Variants in HSPG2 observed in about 807,000 individuals in gnomAD.
HSPG2 encodes basement membrane-specific heparan sulfate proteoglycan core protein.
Under a neutral mutation model 526.6 loss-of-function variants are expected in HSPG2, and 278 were observed. That is an observed-to-expected ratio of 0.53 (90% CI 0.48 to 0.58). The LOEUF is 0.58. HSPG2 is among the 20% of genes least tolerant of loss of function. HSPG2 has a pLI of 0.00. For missense variants in HSPG2, 5,354 were observed against 6,099.5 expected (o/e 0.88, Z 4.07); for synonymous variants, 2,465 against 2,555.4 (o/e 0.96, Z 1.07).
chr1:21,937,062 G>A (rs1257717312), intron 1 of HSPG2, 93 bp downstream of exon 1: 6 of 406,696 alleles, frequency 1.5e-5, no homozygotes, highest in African/African-American at 2.1e-5. Flanking sequence ...AGCCTTGGGC[G>A]CCCCAGCCAA....
In HSPG2 at chr1:21,858,857, C is replaced by T. The variant is rs1473150715; in HGVS notation, c.5293+709G>A. Among the ~76,000 whole-genome samples the T allele has an allele frequency of 3.3e-5, 5 of 152,176 alleles. No homozygotes were observed. The highest frequency in any genetic ancestry group is 3.3e-4 in the Admixed American group (5 of 15,280). On this transcript the variant is annotated intron_variant, in intron 42 of 96. Transcript: ENST00000374695. This position sits in a 1 kb window ranked among gnomAD's most constrained non-coding sequence, Gnocchi z 4.2. ...AAGCTGGCCTAGACATACTGCAGCT[C>T]CTTGGACCCCAGGGCAGGGTGACTT...
intron 3 of HSPG2, among the ~76,000 whole-genome samples, chr1:21,892,344 C>T (rs903039950): frequency 2.6e-5 from 4 of 152,248 alleles, no homozygotes; most frequent in South Asian, 4.1e-4. Context: ...CACGGCCCAG[C>T]GCGGGCGAGG....
intron 1 of HSPG2, among the ~76,000 whole-genome samples, chr1:21,932,106 G>C (rs12129809): frequency 0.46 from 69,879 of 151,974 alleles, 18,783 homozygotes; most frequent in Middle Eastern, 0.65. Context: ...GGCGTCCCTA[G>C]GAGACCCCAC....
intron 54 of HSPG2, 27 bp downstream of exon 54, chr1:21,851,764 C>T: frequency 6.2e-7 from 1 of 1,614,030 alleles, no homozygotes. Flanking sequence ...TCTCTGCATC[C>T]CAGCCCAGCC....
At chr1:21,844,349 T>A (rs1369205223) in intron 64 of HSPG2, 50 bp from the exon 65 acceptor site, 3 of 1,573,206 alleles carry the variant, frequency 1.9e-6, no homozygotes, top group Non-Finnish European at 2.6e-6. Flanking sequence ...CCTGATGCCC[T>A]CAGCCCTTCC....
chr1:21,894,971 G>A (rs1391104211), intron 3 of HSPG2, among the ~76,000 whole-genome samples: 1 of 152,204 alleles, frequency 6.6e-6, no homozygotes, highest in Non-Finnish European at 1.5e-5. Context: ...GTTACCCAGT[G>A]ACCTACCCTC....
Position 21,847,429 on chromosome 1 carries a change from G to A in HSPG2, c.8089C>T (p.Arg2697Trp), listed in dbSNP as rs779348253. 8.7e-6 allele frequency: 14 copies of A among 1,613,812 alleles called. No homozygotes were observed. The highest frequency in any genetic ancestry group is 3.3e-4 in the Middle Eastern group (2 of 6,084). ...AGGGCATCGATGTTGTTGTTGGCCC[G>A]GCACACATACTCGCCCGAGTCAGCC... The part of the protein sequence containing the change: ...SVADSGEYVC[R>W]ANNNIDALEA... The change falls in exon 62 of 97, where the codon CGG becomes TGG. Residue 2697 changes from arginine to tryptophan, a missense_variant. Transcript: ENST00000374695. The surrounding 1 kb of genome is among the most constrained non-coding windows in gnomAD (Gnocchi z 4.1).
At chr1:21,837,811 G>A (rs1395738946) in intron 74 of HSPG2, among the ~76,000 whole-genome samples, 1 of 152,076 alleles carries the variant, frequency 6.6e-6, no homozygotes, top group African/African-American at 2.4e-5. Flanking sequence ...CTACATGGTT[G>A]GCATTGTTCT....
chr1:21,852,573 G>C (rs1393084272), intron 52 of HSPG2, 127 bp downstream of exon 52: 3 of 1,339,268 alleles, frequency 2.2e-6, no homozygotes, highest in African/African-American at 1.4e-5. Flanking sequence ...AGTCGGCCTG[G>C]GCAGGGCCCT....
rs2097986989 is a variant in HSPG2 at position 21,828,526 on chromosome 1, C to T, written c.12238-100G>A. On this transcript the variant is annotated intron_variant, in intron 88 of 96. Transcript: ENST00000374695. This position sits in a 1 kb window ranked among gnomAD's most constrained non-coding sequence, Gnocchi z 6.0. ...ATGCAGCAGAGGGGAGCTGGGAGCC[C>T]ACATTGGGCCCTGAGTGGTAGCATG... 5.5e-6 allele frequency: 7 copies of T among 1,283,128 alleles called. No individual in the cohort carries two copies. The highest frequency in any genetic ancestry group is 7.7e-6 in the Non-Finnish European group (7 of 906,598). The allele number at this position is 1,283,128 out of a possible 1,614,324, so 79.5% of individuals were successfully genotyped here. A position where few individuals can be genotyped will look rare whatever the true frequency, so the allele number is the denominator to read the frequency against.
intron 30 of HSPG2, 26 bp from the exon 31 acceptor site, chr1:21,873,117 G>A (rs774265499): frequency 6.3e-7 from 1 of 1,585,784 alleles, no homozygotes; most frequent in Non-Finnish European, 8.6e-7. Context: ...GCCATGGCTG[G>A]AGCCCCAAAC....
chr1:21,844,198 C>A lies in HSPG2; in HGVS notation c.8566G>T (p.Ala2856Ser), dbSNP rs149816952. ...LKCVVPGQAH[A>S]QVTWHKRGGN... ...CCACGCTTGTGCCACGTGACCTGGG[C>A]GTGGGCCTGCCCGGGCACCACGCAC... Residue 2856 changes from alanine (A) to serine (S), a missense_variant, in exon 65 of 97, where the codon GCC becomes TCC. Physicochemically the swap from Ala to Ser is moderately conservative, Grantham distance 99. Coordinates refer to ENST00000374695, the MANE Select transcript of HSPG2 (RefSeq NM_005529.7). 1 of 1,613,658 alleles carries A rather than the reference C, an allele frequency of 6.2e-7. No homozygotes were observed. The highest frequency in any genetic ancestry group is 1.3e-5 in the African/African-American group (1 of 74,944).
At position 21,842,341 on chromosome 1, in the gene HSPG2, C is replaced by T. The variant is rs1313120132; in HGVS notation, c.8950G>A (p.Ala2984Thr). 3.7e-6 allele frequency: 6 copies of T among 1,610,932 alleles called. No individual in the cohort carries two copies. Among genetic ancestry groups the T allele is most frequent in the Non-Finnish European group, 5.1e-6 (6 of 1,178,394 alleles). Residue 2984 changes from alanine to threonine, a missense_variant, in exon 68 of 97, where the codon GCC becomes ACC. Physicochemically the swap from Ala to Thr is moderately conservative, Grantham distance 58. Coordinates refer to ENST00000374695, the MANE Select transcript of HSPG2 (RefSeq NM_005529.7). ...CGACACACATACTCGCCTGAGTCGG[C>T]AGGGGAGACGAGGTGGAGCCGCAGC... ...SQLRLHLVSP[A>T]DSGEYVCRAA...
chr1:21,890,282 TC>T lies in HSPG2; in HGVS notation c.414-142del. On this transcript the variant is annotated intron_variant, in intron 5 of 96. Coordinates refer to ENST00000374695, the MANE Select transcript of HSPG2 (RefSeq NM_005529.7). This position sits in a 1 kb window ranked among gnomAD's most constrained non-coding sequence, Gnocchi z 4.1. ...GAAGGGCAACTAAAGGTCCCAATGA[TC>T]CCCCGACCAATTCCTGAATTTCCAC... The T allele has an allele frequency of 7.9e-7, 1 of 1,267,956 alleles. No homozygotes were observed. Among genetic ancestry groups the T allele is most frequent in the Non-Finnish European group, 1.1e-6 (1 of 874,134 alleles). The allele number at this position is 1,267,956 out of a possible 1,614,324, so 78.5% of individuals were successfully genotyped here. A position where few individuals can be genotyped will look rare whatever the true frequency, so the allele number is the denominator to read the frequency against.
chr1:21,900,506 GA>G (rs1005627063), intron 1 of HSPG2, among the ~76,000 whole-genome samples: 1 of 152,176 alleles, frequency 6.6e-6, no homozygotes, highest in African/African-American at 2.4e-5. Context: ...TAGGGACAAT[GA>G]ATGCAGGCTG....
chr1:21,878,971 C>A (rs754945875), intron 18 of HSPG2, 23 bp downstream of exon 18: 63 of 1,610,260 alleles, frequency 3.9e-5, no homozygotes, highest in Admixed American at 1.0e-4. Flanking sequence ...CCAAACCCCC[C>A]CTGACCCGGA....
chr1:21,931,248 C>CT (rs1292650409), intron 1 of HSPG2, among the ~76,000 whole-genome samples: 3 of 152,260 alleles, frequency 2.0e-5, no homozygotes, highest in Non-Finnish European at 2.9e-5. Context: ...TGACACAGCC[C>CT]TGACGCCACC....
intron 1 of HSPG2, among the ~76,000 whole-genome samples, chr1:21,933,982 G>A (rs952068069): frequency 6.6e-6 from 1 of 152,124 alleles, no homozygotes; most frequent in Non-Finnish European, 1.5e-5. Flanking sequence ...CCTAGGCCCT[G>A]GAAAACACCT....
Position 21,908,134 on chromosome 1 carries a change from T to C in HSPG2, c.64-11824A>G, listed in dbSNP as rs147701492. 1.2e-3 allele frequency: 1,007 copies of C among 823,692 alleles called. 4 individuals carry two copies. The highest frequency in any genetic ancestry group is 0.012 in the African/African-American group (746 of 61,138). The allele number at this position is 823,692 out of a possible 1,614,324, so 51.0% of individuals were successfully genotyped here. ...AAAGGGAAAGAGGAGAGGCACCCAA[T>C]AGATGTTCTCCAGGCCTTTTAGAAA... On this transcript the variant is annotated intron_variant, in intron 1 of 96. Coordinates refer to ENST00000374695, the MANE Select transcript of HSPG2 (RefSeq NM_005529.7).
Sources: allele counts gnomAD v4.1 joint callset (sites outside exome capture counted in the v4.1 genomes callset), GRCh38; gene constraint gnomAD v4.1.1; non-coding constraint Gnocchi (gnomAD v3.1); transcripts MANE v1.5; gene names NCBI Gene and HGNC (gene_info 2026-07-23, HGNC 2026-07-21).